The following ZDHHC22 variants were observed in gnomAD, a reference collection of about 807,000 sequenced individuals.
ZDHHC22 encodes the protein palmitoyltransferase ZDHHC22.
ZDHHC22 carries 13 observed loss-of-function variants against 17.0 expected under a neutral mutation model. The ratio of observed to expected loss-of-function variants is 0.76; its 90% CI spans 0.50 to 1.21. The LOEUF (loss-of-function observed/expected upper bound fraction) is 1.21, where lower values mean the gene tolerates loss of function less well. ZDHHC22 is among the 50% of genes most tolerant of loss of function. The probability of loss-of-function intolerance (pLI) is 0.00; values close to 1 mark genes in which losing one functional copy is unlikely to be tolerated. For synonymous variants in ZDHHC22, 138 were observed against 154.7 expected, an observed-to-expected ratio of 0.89 and a Z score of 0.80; for missense variants, 319 against 342.3, an observed-to-expected ratio of 0.93 and a Z score of 0.54.
At position 77,137,142 on chromosome 14, in the gene ZDHHC22, G is replaced by A. The variant is rs1387359742; in HGVS notation, c.526+2071C>T. 2.0e-5 allele frequency among the ~76,000 whole-genome samples: 3 copies of A among 152,172 alleles called. No homozygotes were observed. The East Asian group carries it at 5.8e-4, about 29-fold the overall frequency. On this transcript the variant is annotated intron_variant, in intron 2 of 2. Transcript: ENST00000319374. ...GAATGGGAAAGGGAAAGCCAAACAG[G>A]TGGGGTGTATGTCATGGGAGGGAAA...
chr14:77,133,744 A>G lies in ZDHHC22; in HGVS notation c.731T>C (p.Leu244Pro). 6 of 1,614,070 alleles carry G rather than the reference A, an allele frequency of 3.7e-6. No homozygotes were observed. Among genetic ancestry groups the G allele is most frequent in the Non-Finnish European group, 5.1e-6 (6 of 1,179,908 alleles). The stretch of plus-strand genomic sequence containing the variant: ...ATTGAACATGGGGACCAGCAGGCCC[A>G]GCAGCCACCTCTTTCCGAAGACCTC... ...LQEVFGKRWL[L>P]GLLVPMFNVG... The change falls in exon 3 of 3, where the codon CTG (leucine) becomes CCG (proline). Residue 244 changes from leucine (L) to proline (P), a missense_variant. Physicochemically the swap from Leu to Pro is moderately conservative, Grantham distance 98. Coordinates refer to ENST00000319374, the MANE Select transcript of ZDHHC22 (RefSeq NM_174976.2).
rs1332366947 is a variant in ZDHHC22, at chr14:77,132,921, TCC to T, written c.*760_*761del. ...TTTCCCTGTCCCTTCTTCCTTGCCTTCCCATCATCTGGCAAAGACCTGGGGGC... is the reference window on the plus strand; with the variant it reads ...TTTCCCTGTCCCTTCTTCCTTGCCTTCATCATCTGGCAAAGACCTGGGGGC... On this transcript the variant is annotated 3_prime_UTR_variant, in exon 3 of 3. Transcript: ENST00000319374. 1 of 151,754 alleles carries T rather than the reference TCC, an allele frequency of 6.6e-6. No individual in the cohort carries two copies. The highest frequency in any genetic ancestry group is 2.4e-5 in the African/African-American group (1 of 41,250). The allele number at this position is 151,754 out of a possible 1,614,324, so 9.4% of individuals were successfully genotyped here.
At chr14:77,134,079 C>G in intron 2 of ZDHHC22, 131 bp from the exon 3 acceptor site, 1 of 1,188,940 alleles carries the variant, frequency 8.4e-7, no homozygotes, top group Non-Finnish European at 1.1e-6. Context: ...TTGTAGCAAC[C>G]TCAGCGCTGC....
Position 77,133,688 on chromosome 14 carries a change from T to C in ZDHHC22, c.787A>G (p.Lys263Glu). ...VGSESSKQQD[K>E] ...ATAAATGACGGGAGTGTCTACTACT[T>C]ATCCTGCTGCTTGGAGCTCTCACTT... The change falls in exon 3 of 3, where the codon AAG (lysine) becomes GAG (glutamate). Residue 263 changes from lysine to glutamate, a missense_variant. Transcript: ENST00000319374. 6.2e-7 allele frequency: 1 copy of C among 1,612,972 alleles called. No individual in the cohort carries two copies. Among genetic ancestry groups the C allele is most frequent in the Middle Eastern group, 1.6e-4 (1 of 6,062 alleles).
At position 77,139,350 on chromosome 14, in the gene ZDHHC22, C is replaced by A. The variant is rs1887199119; in HGVS notation, c.389G>T (p.Cys130Phe). The A allele has an allele frequency of 6.2e-7, 1 of 1,600,616 alleles. No homozygotes were observed. The highest frequency in any genetic ancestry group is 1.3e-5 in the African/African-American group (1 of 74,690). The change falls in exon 2 of 3, where the codon TGC (cysteine) becomes TTC (phenylalanine). Residue 130 changes from cysteine (C) to phenylalanine (F), a missense_variant. Transcript: ENST00000319374. ...SRNMRNFVLF[C>F]LYTSLACLYS... ...GAGGCAGGCCAGGGAGGTGTAGAGG[C>A]AGAACAGGACGAAGTTGCGCATGTT...
chr14:77,135,190 T>TGGGGGGG (rs11350828), intron 2 of ZDHHC22, among the ~76,000 whole-genome samples: 2 of 143,758 alleles, frequency 1.4e-5, no homozygotes, highest in African/African-American at 5.3e-5. Context: ...CCTCCTCTGG[T>TGGGGGGG]GGGGGGGGGG....
intron 2 of ZDHHC22, among the ~76,000 whole-genome samples, chr14:77,135,735 G>A (rs1017735944): frequency 2.0e-5 from 3 of 152,260 alleles, no homozygotes; most frequent in Admixed American, 1.3e-4. Context: ...CATCAGAGCT[G>A]TCAAGCTTGG....
chr14:77,135,191 G>GGGA, intron 2 of ZDHHC22, among the ~76,000 whole-genome samples: 1 of 2,634 alleles, frequency 3.8e-4, no homozygotes, highest in African/African-American at 3.9e-4. Context: ...CTCCTCTGGT[G>GGGA]GGGGGGGGGC....
chr14:77,132,086 T>C lies in ZDHHC22; in HGVS notation c.*1597A>G, dbSNP rs1259489267. The C allele has an allele frequency of 2.6e-5, 4 of 152,276 alleles. No homozygotes were observed. Among genetic ancestry groups the C allele is most frequent in the African/African-American group, 9.6e-5 (4 of 41,452 alleles). The allele number at this position is 152,276 out of a possible 1,614,324, so 9.4% of individuals were successfully genotyped here. On this transcript the variant is annotated 3_prime_UTR_variant, in exon 3 of 3. Transcript: ENST00000319374. ...ACTGCTGCCTGCATGGATGTCATATTGGCTTTGGGACCCAGTCAGGAGGGG... is the reference window on the plus strand; with the variant it reads ...ACTGCTGCCTGCATGGATGTCATATCGGCTTTGGGACCCAGTCAGGAGGGG...
chr14:77,139,385 G>A lies in ZDHHC22; in HGVS notation c.354C>T (p.Ile118=). The change falls in exon 2 of 3, where the codon ATC becomes ATT. Residue 118 remains isoleucine (I), a synonymous_variant. Transcript: ENST00000319374. ...CGAAGTTGCGCATGTTCCTGCTGCC[G>A]ATGCAGTTGCCGGTGAAGAAACAGT... The part of the protein sequence containing the change: ...DHHCFFTGNC[I]GSRNMRNFVL... 2 of 1,606,524 alleles carry A rather than the reference G, an allele frequency of 1.2e-6. No homozygotes were observed. Among genetic ancestry groups the A allele is most frequent in the Non-Finnish European group, 1.7e-6 (2 of 1,176,724 alleles).
In ZDHHC22 at chr14:77,139,262, G is replaced by T; in HGVS notation, c.477C>A (p.Pro159=). ...SAVLSISFAH[P]LAFLTLLPTS... ...TGGGCAGGAGCGTGAGGAAGGCCAA[G>T]GGGTGGGCGAAGGAGATGGAAAGGA... The change falls in exon 2 of 3, where the codon CCC becomes CCA. Residue 159 remains proline (P), a synonymous_variant. Transcript: ENST00000319374. 6.3e-7 allele frequency: 1 copy of T among 1,594,948 alleles called. No homozygotes were observed. The highest frequency in any genetic ancestry group is 2.3e-5 in the East Asian group (1 of 44,034).
intron 2 of ZDHHC22, among the ~76,000 whole-genome samples, chr14:77,137,092 C>T (rs773749821): frequency 2.5e-4 from 38 of 152,122 alleles, no homozygotes; most frequent in Admixed American, 8.5e-4. Context: ...ACCAACTGTT[C>T]GGATTGAGGG....
chr14:77,135,135 G>A lies in ZDHHC22; in HGVS notation c.527-1187C>T, dbSNP rs920126865. Among the ~76,000 whole-genome samples the A allele has an allele frequency of 4.6e-5, 7 of 150,544 alleles. No homozygotes were observed. The South Asian group carries it at 8.4e-4, about 18-fold the overall frequency. The stretch of plus-strand genomic sequence containing the variant: ...GGGCACTGGACCCTGGAGTTAATTC[G>A]AAAGTATTCCTTAGCCTTTGGTTCC... On this transcript the variant is annotated intron_variant, in intron 2 of 2. Transcript: ENST00000319374.
chr14:77,136,296 G>A (rs915120481), intron 2 of ZDHHC22, among the ~76,000 whole-genome samples: 3 of 152,218 alleles, frequency 2.0e-5, no homozygotes, highest in African/African-American at 7.2e-5. Flanking sequence ...ACCTTGCTGA[G>A]TCTTTGGTTT....
rs1010470411 is a variant in ZDHHC22, at chr14:77,133,470, C to T, written c.*213G>A. On this transcript the variant is annotated 3_prime_UTR_variant, in exon 3 of 3. Coordinates refer to ENST00000319374, the MANE Select transcript of ZDHHC22 (RefSeq NM_174976.2). ...ACAGCTAGCAGCCACCTGGCTGGCT[C>T]GTGAGGAGCCTAGAAATGCCTGGGG... The T allele has an allele frequency of 1.1e-5, 7 of 639,512 alleles. No individual in the cohort carries two copies. Among genetic ancestry groups the T allele is most frequent in the African/African-American group, 5.5e-5 (3 of 54,548 alleles). The allele number at this position is 639,512 out of a possible 1,614,324, so 39.6% of individuals were successfully genotyped here.
chr14:77,139,173 C>G (rs765994592), intron 2 of ZDHHC22, 40 bp downstream of exon 2: 100 of 1,532,964 alleles, frequency 6.5e-5, no homozygotes, highest in Non-Finnish European at 8.2e-5. Flanking sequence ...GGTGGGAGGT[C>G]TTTGTGTAGA....
chr14:77,138,776 A>G (rs1345281793), intron 2 of ZDHHC22, among the ~76,000 whole-genome samples: 1 of 152,158 alleles, frequency 6.6e-6, no homozygotes. Flanking sequence ...TGTAAGCAGA[A>G]CTGGGGACCA....
Position 77,133,878 on chromosome 14 carries a change from G to A in ZDHHC22, c.597C>T (p.Cys199=), listed in dbSNP as rs1387119685. The change falls in exon 3 of 3, where the codon TGC becomes TGT. Residue 199 remains cysteine, a synonymous_variant. Coordinates refer to ENST00000319374, the MANE Select transcript of ZDHHC22 (RefSeq NM_174976.2). ...LYLWFAIGLA[C]AGFCCHQLLL... ...GCAGCTGGTGGCAGCAGAAGCCGGC[G>A]CAGGCCAGGCCGATGGCGAACCAGA... The A allele has an allele frequency of 6.2e-7, 1 of 1,612,908 alleles. No homozygotes were observed. Among genetic ancestry groups the A allele is most frequent in the Admixed American group, 1.7e-5 (1 of 59,862 alleles).
In ZDHHC22 at chr14:77,140,017, A is replaced by T. The variant is rs932015647; in HGVS notation, c.-14-265T>A. ...CGAGCTCGGCGCCTTGGCGCGGCAG[A>T]GTCTGGCACAGGAGGGAGGGACTCG... On this transcript the variant is annotated intron_variant, in intron 1 of 2. Coordinates refer to ENST00000319374, the MANE Select transcript of ZDHHC22 (RefSeq NM_174976.2). This position sits in a 1 kb window ranked among gnomAD's most constrained non-coding sequence, Gnocchi z 5.9. Among the ~76,000 whole-genome samples, 3 of 152,036 alleles carry T rather than the reference A, an allele frequency of 2.0e-5. No homozygotes were observed. The highest frequency in any genetic ancestry group is 7.2e-5 in the African/African-American group (3 of 41,380).
Sources: gnomAD v4.1 joint callset for allele counts (sites outside exome capture counted in the v4.1 genomes callset) on GRCh38, gnomAD v4.1.1 for gene constraint, Gnocchi (gnomAD v3.1) non-coding constraint, MANE v1.5 for transcripts, NCBI Gene and HGNC (gene_info 2026-07-23, HGNC 2026-07-21) for gene names.